The following RIOK3 variants were observed in gnomAD, a reference collection of about 807,000 sequenced individuals.
RIOK3 encodes the protein serine/threonine-protein kinase RIO3.
In RIOK3, 40 loss-of-function variants were observed where a neutral mutation model predicts 63.5. That is an observed-to-expected ratio of 0.63 (90% CI 0.49 to 0.82). The LOEUF (loss-of-function observed/expected upper bound fraction) is 0.82, where lower values mean the gene tolerates loss of function less well. Among genes scored for constraint, RIOK3 ranks in the 40% least tolerant of loss-of-function variants. RIOK3 has a pLI of 0.00. For synonymous variants in RIOK3, 193 were observed against 205.0 expected, an observed-to-expected ratio of 0.94 and a Z score of 0.50; for missense variants, 557 against 637.0, an observed-to-expected ratio of 0.87 and a Z score of 1.35.
In RIOK3 at chr18:23,481,451, T is replaced by C. The variant is rs765280458; in HGVS notation, c.*172T>C. The C allele has an allele frequency of 6.0e-6, 3 of 503,046 alleles. No homozygotes were observed. The highest frequency in any genetic ancestry group is 1.0e-5 in the Non-Finnish European group (3 of 286,968). 31.2% of individuals were successfully genotyped at this position (503,046 alleles called of 1,614,324 possible). A position where few individuals can be genotyped will look rare whatever the true frequency, so the allele number is the denominator to read the frequency against. Reference sequence around the variant, plus strand: ...ATGTGTGGAATTTTTAGCTCAGCATTGAGAGAATAAAATGTCACTACCTCT... The same window carrying C: ...ATGTGTGGAATTTTTAGCTCAGCATCGAGAGAATAAAATGTCACTACCTCT... On this transcript the variant is annotated 3_prime_UTR_variant, in exon 13 of 13. Transcript: ENST00000339486.
chr18:23,471,914 G>A (rs2057458676), intron 7 of RIOK3, among the ~76,000 whole-genome samples: 1 of 152,162 alleles, frequency 6.6e-6, no homozygotes, highest in Admixed American at 6.6e-5. Flanking sequence ...GAAGTTCTAG[G>A]GAAAGTCAGG....
intron 1 of RIOK3, among the ~76,000 whole-genome samples, chr18:23,458,789 C>T (rs1029388541): frequency 6.6e-6 from 1 of 152,180 alleles, no homozygotes; most frequent in African/African-American, 2.4e-5. Context: ...ACCACTGTGC[C>T]TATAGGGAAA....
chr18:23,478,593 T>TA (rs1440767827), intron 11 of RIOK3, among the ~76,000 whole-genome samples: 3 of 101,546 alleles, frequency 3.0e-5, no homozygotes, highest in East Asian at 2.9e-4. Flanking sequence ...CCCTGTCTCT[T>TA]AAAAAAACAA....
intron 9 of RIOK3, 51 bp downstream of exon 9, chr18:23,475,158 C>T: frequency 1.0e-5 from 15 of 1,481,538 alleles, no homozygotes; most frequent in Non-Finnish European, 1.4e-5. Flanking sequence ...AAAATATTTC[C>T]TCTAAACTTT....
intron 2 of RIOK3, 23 bp downstream of exon 2, chr18:23,463,102 T>G: frequency 1.4e-6 from 2 of 1,447,184 alleles, no homozygotes; most frequent in Non-Finnish European, 1.9e-6. Flanking sequence ...CACAAATACT[T>G]TATCTAGCAA....
At chr18:23,474,250 G>A (rs747652792) in intron 8 of RIOK3, among the ~76,000 whole-genome samples, 27 of 152,180 alleles carry the variant, frequency 1.8e-4, no homozygotes, top group Non-Finnish European at 3.7e-4. Flanking sequence ...ACCAAAATAA[G>A]CCAGGCATGG....
At chr18:23,476,197 G>A (rs988423877) in intron 9 of RIOK3, among the ~76,000 whole-genome samples, 7 of 152,088 alleles carry the variant, frequency 4.6e-5, no homozygotes. Flanking sequence ...TAAGTTGGAA[G>A]GCATGTTGGG....
At chr18:23,457,738 T>A (rs112907615) in intron 1 of RIOK3, among the ~76,000 whole-genome samples, 1 of 152,206 alleles carries the variant, frequency 6.6e-6, no homozygotes, top group African/African-American at 2.4e-5. Context: ...GCCACTTGTC[T>A]TGAGTTGAAA....
rs145232248 is a variant in RIOK3, at chr18:23,468,987, T to C, written c.815+1461T>C. Among the ~76,000 whole-genome samples the C allele has an allele frequency of 5.8e-3, 881 of 152,328 alleles. 7 individuals are homozygous for C. Among genetic ancestry groups the C allele is most frequent in the African/African-American group, 0.02 (846 of 41,572 alleles). On this transcript the variant is annotated intron_variant, in intron 7 of 12. Coordinates refer to ENST00000339486, the MANE Select transcript of RIOK3 (RefSeq NM_003831.5). ...CTATACGACTGAGGTCCCACTTTCT[T>C]GTTGGCTGTCAGCAGTGGGCTGCTC... is the stretch of plus-strand genomic sequence containing the variant.
intron 1 of RIOK3, among the ~76,000 whole-genome samples, chr18:23,453,797 C>G (rs1256516606): frequency 6.6e-6 from 1 of 152,216 alleles, no homozygotes; most frequent in Non-Finnish European, 1.5e-5. Flanking sequence ...GGCTTACACA[C>G]CCTGATGATA....
intron 7 of RIOK3, among the ~76,000 whole-genome samples, chr18:23,468,768 T>TAATA (rs773857223): frequency 3.3e-5 from 5 of 152,254 alleles, no homozygotes; most frequent in African/African-American, 1.2e-4. Context: ...CTGTGGTACA[T>TAATA]AATAAATTGC....
At chr18:23,461,492 A>T (rs1302278351) in intron 1 of RIOK3, among the ~76,000 whole-genome samples, 1 of 152,244 alleles carries the variant, frequency 6.6e-6, no homozygotes, top group Non-Finnish European at 1.5e-5. Context: ...AGCGAATGGG[A>T]TACCTTGGAG....
At chr18:23,464,346 A>C in intron 4 of RIOK3, 33 bp downstream of exon 4, 1 of 1,459,762 alleles carries the variant, frequency 6.9e-7, no homozygotes, top group Non-Finnish European at 9.6e-7. Context: ...GGGGCAGCAG[A>C]ATAGAGGTAT....
intron 12 of RIOK3, among the ~76,000 whole-genome samples, chr18:23,480,434 T>C (rs537764117): frequency 6.6e-6 from 1 of 152,264 alleles, no homozygotes; most frequent in African/African-American, 2.4e-5. Context: ...TTTTATAGAA[T>C]ACATTTCAAA....
At chr18:23,470,945 T>C (rs771187797) in intron 7 of RIOK3, among the ~76,000 whole-genome samples, 1 of 152,212 alleles carries the variant, frequency 6.6e-6, no homozygotes, top group Admixed American at 6.5e-5. Context: ...ATCTAGCCTA[T>C]TCTGTCATAA....
At chr18:23,474,610 C>T (rs1236018192) in intron 8 of RIOK3, among the ~76,000 whole-genome samples, 1 of 152,172 alleles carries the variant, frequency 6.6e-6, no homozygotes, top group Non-Finnish European at 1.5e-5. Flanking sequence ...GGACTGTGCT[C>T]TTGAACACCT....
chr18:23,477,070 T>C lies in RIOK3; in HGVS notation c.1238T>C (p.Leu413Pro). 6.2e-7 allele frequency: 1 copy of C among 1,613,976 alleles called. No individual in the cohort carries two copies. Among genetic ancestry groups the C allele is most frequent in the African/African-American group, 1.3e-5 (1 of 75,060 alleles). ...VHADLSEYNM[L>P]WHAGKVWLID... ...GCTGACCTCAGTGAGTATAACATGCTGTGGCATGCTGGAAAGGTGAGGAGC... is the reference window on the plus strand; with the variant it reads ...GCTGACCTCAGTGAGTATAACATGCCGTGGCATGCTGGAAAGGTGAGGAGC... Residue 413 changes from leucine (L) to proline (P), a missense_variant, in exon 10 of 13, where the codon CTG (leucine) becomes CCG (proline). Leu to Pro is a moderately conservative substitution (Grantham distance 98). Transcript: ENST00000339486.
chr18:23,469,028 C>T (rs2057429589), intron 7 of RIOK3, among the ~76,000 whole-genome samples: 1 of 152,174 alleles, frequency 6.6e-6, no homozygotes, highest in South Asian at 2.1e-4. Context: ...TCCTTGAGGC[C>T]CCTGCAGTTC....
intron 9 of RIOK3, 129 bp downstream of exon 9, chr18:23,475,236 A>C: frequency 6.1e-6 from 4 of 656,930 alleles, no homozygotes; most frequent in Non-Finnish European, 1.0e-5. Context: ...TGGGAGGCTC[A>C]GGCAGTAGGA....
Sources: allele counts gnomAD v4.1 joint callset (sites outside exome capture counted in the v4.1 genomes callset), GRCh38; gene constraint gnomAD v4.1.1; transcripts MANE v1.5; gene names NCBI Gene and HGNC (gene_info 2026-07-23, HGNC 2026-07-21).